Variants in AUTS2 observed in about 807,000 individuals in gnomAD.
The protein encoded by AUTS2 is activator of transcription and developmental regulator AUTS2.
A neutral mutation model predicts 112.4 loss-of-function variants in AUTS2; 17 were observed. That is an observed-to-expected ratio of 0.15 (90% CI 0.10 to 0.23). The LOEUF is 0.23. AUTS2 is among the 10% of genes least tolerant of loss of function. The pLI, the probability that AUTS2 is intolerant of heterozygous loss-of-function variation, is 1.00. For missense variants in AUTS2, 1,510 were observed against 1,701.6 expected, an observed-to-expected ratio of 0.89 and a Z score of 1.98; for synonymous variants, 751 against 702.7, an observed-to-expected ratio of 1.07 and a Z score of -1.09.
intron 11 of AUTS2, among the ~76,000 whole-genome samples, chr7:70,771,905 C>T (rs1413239379): frequency 1.3e-5 from 2 of 152,100 alleles, no homozygotes; most frequent in Non-Finnish European, 2.9e-5. Flanking sequence ...TCAAAATATA[C>T]ACAATATTTA....
chr7:70,429,656 G>T (rs887166071), intron 4 of AUTS2, among the ~76,000 whole-genome samples: 4 of 152,188 alleles, frequency 2.6e-5, no homozygotes, highest in African/African-American at 9.7e-5. Context: ...GGGGAGTCAA[G>T]AGTAAGCATT....
chr7:70,423,852 C>T (rs1160603981), intron 4 of AUTS2, among the ~76,000 whole-genome samples: 2 of 152,070 alleles, frequency 1.3e-5, no homozygotes, highest in African/African-American at 4.8e-5. Context: ...TTAAACACGT[C>T]CTGAGCAGAA....
intron 14 of AUTS2, among the ~76,000 whole-genome samples, chr7:70,779,178 T>G (rs1790899221): frequency 6.6e-6 from 1 of 152,194 alleles, no homozygotes; most frequent in Non-Finnish European, 1.5e-5. Context: ...ATTTTATAGA[T>G]TCATAGTGAA....
chr7:70,373,941 G>A (rs1343108272), intron 4 of AUTS2, among the ~76,000 whole-genome samples: 1 of 151,524 alleles, frequency 6.6e-6, no homozygotes, highest in African/African-American at 2.4e-5. Flanking sequence ...TCCCATGAAT[G>A]GTCTATACGG....
At chr7:70,169,376 G>A (rs1015758794) in intron 4 of AUTS2, among the ~76,000 whole-genome samples, 2 of 152,000 alleles carry the variant, frequency 1.3e-5, no homozygotes, top group South Asian at 2.1e-4. Context: ...GAGTAGCTGC[G>A]GCTACAGACA....
intron 1 of AUTS2, among the ~76,000 whole-genome samples, chr7:69,811,374 A>T (rs972357240): frequency 2.6e-5 from 4 of 152,060 alleles, no homozygotes; most frequent in Admixed American, 6.5e-5. Context: ...CATGTGATGG[A>T]TACAGGACAG....
At chr7:70,688,823 C>T (rs115477469) in intron 5 of AUTS2, among the ~76,000 whole-genome samples, 201 of 152,280 alleles carry the variant, frequency 1.3e-3, no homozygotes, top group Middle Eastern at 6.8e-3. Flanking sequence ...GACGCCATCT[C>T]AACAAAACAA....
At chr7:69,874,918 T>G (rs1793663930) in intron 1 of AUTS2, among the ~76,000 whole-genome samples, 1 of 151,576 alleles carries the variant, frequency 6.6e-6, no homozygotes, top group Admixed American at 6.6e-5. Context: ...TGTGAGCCAT[T>G]ACGTCCAGTT....
Position 70,520,915 on chromosome 7 carries a change from G to A in AUTS2, c.690+85134G>A, listed in dbSNP as rs1045883371. 1.6e-4 allele frequency among the ~76,000 whole-genome samples: 25 copies of A among 152,056 alleles called. 1 individual carries two copies. The highest frequency in any genetic ancestry group is 1.3e-3 in the Admixed American group (20 of 15,272). On this transcript the variant is annotated intron_variant, in intron 5 of 18. Transcript: ENST00000342771. ...CCAATCACTCCTGTGTTTCCCCCAC[G>A]CTTGGAGAAACAATCTTTCTGGTGC...
intron 2 of AUTS2, among the ~76,000 whole-genome samples, chr7:70,012,167 A>T (rs1318342967): frequency 6.6e-6 from 1 of 152,166 alleles, no homozygotes; most frequent in Non-Finnish European, 1.5e-5. Flanking sequence ...GAGAAGGCAG[A>T]GATAGTTAAT....
chr7:70,337,768 G>A (rs915068502), intron 4 of AUTS2, among the ~76,000 whole-genome samples: 5 of 152,184 alleles, frequency 3.3e-5, no homozygotes, highest in African/African-American at 1.2e-4. Context: ...GTTCATGCAT[G>A]TTAACATGTG....
At chr7:70,765,212 T>C (rs1333083414) in intron 8 of AUTS2, among the ~76,000 whole-genome samples, 2 of 152,112 alleles carry the variant, frequency 1.3e-5, no homozygotes, top group Middle Eastern at 3.2e-3. Context: ...CCCCTGTGAA[T>C]CAGACACTGC....
chr7:70,456,949 G>A (rs148475676), intron 5 of AUTS2, among the ~76,000 whole-genome samples: 3,554 of 152,294 alleles, frequency 0.023, 82 homozygotes, highest in Admixed American at 0.075. Context: ...AGCGGCTGCC[G>A]GAGAAGCCTG....
At chr7:70,746,201 C>T (rs535793205) in intron 6 of AUTS2, among the ~76,000 whole-genome samples, 78 of 152,290 alleles carry the variant, frequency 5.1e-4, no homozygotes, top group African/African-American at 1.0e-3. Flanking sequence ...GGCTGGAGTG[C>T]GGTGGCACAA....
intron 3 of AUTS2, among the ~76,000 whole-genome samples, chr7:70,124,415 C>A (rs1805850525): frequency 6.6e-6 from 1 of 152,158 alleles, no homozygotes; most frequent in African/African-American, 2.4e-5. Context: ...ATGACTTTGT[C>A]ATGAAATCTT....
intron 1 of AUTS2, among the ~76,000 whole-genome samples, chr7:69,731,856 G>A (rs1786809006): frequency 6.6e-6 from 1 of 152,166 alleles, no homozygotes; most frequent in African/African-American, 2.4e-5. Context: ...TTTATTATGT[G>A]CGTAATCGTA....
chr7:70,668,848 G>A (rs1807486842), intron 5 of AUTS2, among the ~76,000 whole-genome samples: 1 of 152,242 alleles, frequency 6.6e-6, no homozygotes, highest in African/African-American at 2.4e-5. Flanking sequence ...GAATGCCTCA[G>A]CGCTAGAGGG....
chr7:70,355,950 C>G (rs1335753763), intron 4 of AUTS2, among the ~76,000 whole-genome samples: 1 of 152,152 alleles, frequency 6.6e-6, no homozygotes, highest in South Asian at 2.1e-4. Context: ...TTTTCAGCCT[C>G]TTAGTAAAGA....
chr7:70,173,859 C>A (rs978998471), intron 4 of AUTS2, among the ~76,000 whole-genome samples: 21 of 152,078 alleles, frequency 1.4e-4, no homozygotes, highest in Admixed American at 3.9e-4. Context: ...GTTTCACCAA[C>A]CTGCCTTTCC....
Sources: gnomAD v4.1 joint callset for allele counts (sites outside exome capture counted in the v4.1 genomes callset) on GRCh38, gnomAD v4.1.1 for gene constraint, MANE v1.5 for transcripts, NCBI Gene and HGNC (gene_info 2026-07-23, HGNC 2026-07-21) for gene names.